FOCAD: variants seen among roughly 807,000 people sequenced by gnomAD.
The protein encoded by FOCAD is KIAA1797.
Under a neutral mutation model 225.6 loss-of-function variants are expected in FOCAD, and 198 were observed. That is an observed-to-expected ratio of 0.88 (90% CI 0.78 to 0.99). FOCAD has a LOEUF of 0.99. FOCAD is among the 50% of genes least tolerant of loss of function. The pLI is 0.00. For missense variants in FOCAD, 2,713 were observed against 2,123.6 expected, an observed-to-expected ratio of 1.28 and a Z score of -5.46; for synonymous variants, 897 against 755.0, an observed-to-expected ratio of 1.19 and a Z score of -3.08.
chr9:20,955,098 C>T (rs552850892), intron 35 of FOCAD, among the ~76,000 whole-genome samples: 1 of 152,292 alleles, frequency 6.6e-6, no homozygotes, highest in East Asian at 1.9e-4. Context: ...AGGATGGCAA[C>T]TTTAGTGAAC....
chr9:20,880,974 C>T (rs1830619913), intron 19 of FOCAD, among the ~76,000 whole-genome samples: 1 of 152,050 alleles, frequency 6.6e-6, no homozygotes, highest in South Asian at 2.1e-4. Context: ...TTTATACATC[C>T]TGTTGTCTTC....
chr9:20,739,756 G>A (rs1827453789), intron 4 of FOCAD, among the ~76,000 whole-genome samples: 1 of 152,018 alleles, frequency 6.6e-6, no homozygotes, highest in Non-Finnish European at 1.5e-5. Context: ...ACAAAAATAA[G>A]GAAAAAATTT....
At chr9:20,829,104 C>A (rs534706759) in intron 15 of FOCAD, among the ~76,000 whole-genome samples, 53 of 152,068 alleles carry the variant, frequency 3.5e-4, no homozygotes, top group South Asian at 8.3e-4. Flanking sequence ...AATATACGTG[C>A]GCATGTGTCT....
chr9:20,680,903 G>T (rs181127038), upstream of FOCAD, among the ~76,000 whole-genome samples: 74 of 152,304 alleles, frequency 4.9e-4, no homozygotes, highest in East Asian at 9.4e-3. Context: ...GAAAGCTGAG[G>T]TGGGAGGATT....
chr9:20,890,141 T>G (rs1245350773), intron 21 of FOCAD, among the ~76,000 whole-genome samples: 5 of 152,080 alleles, frequency 3.3e-5, no homozygotes, highest in African/African-American at 1.2e-4. Context: ...GCTTTTAATT[T>G]TTGCTTTTCT....
At chr9:20,848,537 G>T (rs1425907345) in intron 15 of FOCAD, among the ~76,000 whole-genome samples, 1 of 151,948 alleles carries the variant, frequency 6.6e-6, no homozygotes, top group Admixed American at 6.6e-5. Context: ...CCTCTTGGAA[G>T]ATGGAAGGGT....
intron 15 of FOCAD, among the ~76,000 whole-genome samples, chr9:20,844,734 T>C (rs780716007): frequency 1.1e-4 from 17 of 152,082 alleles, no homozygotes; most frequent in Non-Finnish European, 2.1e-4. Flanking sequence ...TCGAAGTCAC[T>C]TTGGGTATTT....
chr9:20,845,011 G>C (rs1005017462), intron 15 of FOCAD, among the ~76,000 whole-genome samples: 1 of 151,764 alleles, frequency 6.6e-6, no homozygotes, highest in Admixed American at 6.6e-5. Context: ...ATCCCTTTCC[G>C]ATTTCTTTCG....
intron 5 of FOCAD, among the ~76,000 whole-genome samples, chr9:20,754,764 A>G (rs1346608876): frequency 2.6e-5 from 4 of 152,188 alleles, no homozygotes; most frequent in Non-Finnish European, 4.4e-5. Context: ...GCTGCCAAGC[A>G]TTCCATTGTG....
chr9:20,814,139 G>A (rs1823389847), intron 11 of FOCAD, among the ~76,000 whole-genome samples: 2 of 152,054 alleles, frequency 1.3e-5, no homozygotes, highest in South Asian at 2.1e-4. Flanking sequence ...TGGGTTTTCG[G>A]AATCCACTGT....
At chr9:20,750,019 G>A (rs1326419530) in intron 5 of FOCAD, among the ~76,000 whole-genome samples, 1 of 152,106 alleles carries the variant, frequency 6.6e-6, no homozygotes, top group African/African-American at 2.4e-5. Flanking sequence ...ACTGCTCTGT[G>A]CTGTTGATGA....
At chr9:20,679,437 C>T (rs972018816), upstream of FOCAD, among the ~76,000 whole-genome samples, 2 of 152,088 alleles carry the variant, frequency 1.3e-5, no homozygotes, top group Non-Finnish European at 2.9e-5. Context: ...GAGTTCAAGG[C>T]TTTGTGTCTC....
chr9:20,699,105 G>A (rs763357061), intron 1 of FOCAD, among the ~76,000 whole-genome samples: 4 of 152,180 alleles, frequency 2.6e-5, no homozygotes, highest in Non-Finnish European at 5.9e-5. Flanking sequence ...GACTTGGGGA[G>A]ACTTTTGTGG....
intron 11 of FOCAD, among the ~76,000 whole-genome samples, chr9:20,809,625 C>A (rs1167841966): frequency 2.0e-5 from 3 of 152,004 alleles, no homozygotes; most frequent in Non-Finnish European, 2.9e-5. Context: ...GTTCTTTTGT[C>A]TTACTTTTTG....
At chr9:20,785,404 CT>C (rs1460622509) in intron 10 of FOCAD, among the ~76,000 whole-genome samples, 2 of 152,080 alleles carry the variant, frequency 1.3e-5, no homozygotes, top group African/African-American at 2.4e-5. Context: ...TAATTCCCCC[CT>C]TTTTTCCTCA....
chr9:20,665,474 T>A (rs2131266323), intron 2 of FOCAD, among the ~76,000 whole-genome samples: 1 of 152,332 alleles, frequency 6.6e-6, no homozygotes, highest in African/African-American at 2.4e-5. Flanking sequence ...TTCAGTTCAG[T>A]CACTTCCTCA....
intron 15 of FOCAD, among the ~76,000 whole-genome samples, chr9:20,855,926 CT>C (rs889771679): frequency 6.7e-6 from 1 of 149,712 alleles, no homozygotes; most frequent in East Asian, 2.0e-4. Context: ...GGATTTCATT[CT>C]TTTTTATGGT....
At chr9:20,974,854 C>T (rs1840094522) in intron 35 of FOCAD, among the ~76,000 whole-genome samples, 1 of 152,112 alleles carries the variant, frequency 6.6e-6, no homozygotes. Flanking sequence ...GACTCTGGCT[C>T]CACATCTGCT....
chr9:20,862,824 A>C lies in FOCAD; in HGVS notation c.2055+112A>C, dbSNP rs57212955. On this transcript the variant is annotated intron_variant, in intron 16 of 43. Coordinates refer to ENST00000338382, the MANE Select transcript of FOCAD (RefSeq NM_001375567.1). ...TGTTGTTGTTGTTGTTGTTGTTCTG[A>C]GACCATGTTGATATGTTTATGGACT... 1,138 of 1,269,904 alleles carry C rather than the reference A, an allele frequency of 9.0e-4. 8 individuals are homozygous for C. The African/African-American group carries it at 0.015, about 16-fold the overall frequency. The allele number at this position is 1,269,904 out of a possible 1,614,324, so 78.7% of individuals were successfully genotyped here.
Sources: allele counts gnomAD v4.1 joint callset (sites outside exome capture counted in the v4.1 genomes callset), GRCh38; gene constraint gnomAD v4.1.1; transcripts MANE v1.5; gene names NCBI Gene and HGNC (gene_info 2026-07-23, HGNC 2026-07-21).